Variants in SAMD12 observed in about 807,000 individuals in gnomAD.
SAMD12 encodes sterile alpha motif domain containing 12, also known as sterile alpha motif domain-containing protein 12.
A neutral mutation model predicts 15.0 loss-of-function variants in SAMD12; 9 were observed. That is an observed-to-expected ratio of 0.60 (90% CI 0.36 to 1.05). The LOEUF (loss-of-function observed/expected upper bound fraction) is 1.05, where lower values mean the gene tolerates loss of function less well. SAMD12 is among the 50% of genes least tolerant of loss of function. The pLI is 0.01. For missense variants in SAMD12, 230 were observed against 234.2 expected (o/e 0.98, Z 0.12); for synonymous variants, 86 against 90.1 (o/e 0.96, Z 0.25).
At chr8:118,364,537 T>G (rs1818667530) in intron 4 of SAMD12, among the ~76,000 whole-genome samples, 1 of 152,162 alleles carries the variant, frequency 6.6e-6, no homozygotes, top group Admixed American at 6.5e-5. Context: ...CTCTGAGTGC[T>G]GCGTGGAGTG....
rs575419476 is a variant in SAMD12, at chr8:118,546,942, C to T, written c.192+33773G>A. On this transcript the variant is annotated intron_variant, in intron 2 of 3. Coordinates refer to ENST00000314727, the MANE Select transcript of SAMD12 (RefSeq NM_207506.3). The stretch of plus-strand genomic sequence containing the variant: ...TAATTAAGGATACAAAGATTTCCCT[C>T]ATCCAAGATCACTGAAAACCATTTT... Among the ~76,000 whole-genome samples the T allele has an allele frequency of 3.9e-5, 6 of 152,278 alleles. No individual in the cohort carries two copies. The East Asian group carries it at 1.2e-3, about 29-fold the overall frequency.
At chr8:118,466,922 G>A (rs945145061) in intron 2 of SAMD12, among the ~76,000 whole-genome samples, 3 of 152,184 alleles carry the variant, frequency 2.0e-5, no homozygotes, top group African/African-American at 7.2e-5. Context: ...GCTGATCACA[G>A]AAAGCCTCTG....
At chr8:118,336,578 G>T (rs1430880319) in intron 4 of SAMD12, among the ~76,000 whole-genome samples, 2 of 151,802 alleles carry the variant, frequency 1.3e-5, no homozygotes, top group Admixed American at 1.3e-4. Context: ...TCTAGTTCTA[G>T]ATCCTTGAGG....
chr8:118,253,294 T>G (rs866128952), intron 4 of SAMD12, among the ~76,000 whole-genome samples: 2 of 152,178 alleles, frequency 1.3e-5, no homozygotes, highest in East Asian at 1.9e-4. Flanking sequence ...GAGTAAGTCA[T>G]GTTCCCAAGT....
At chr8:118,278,274 G>A (rs1289755104) in intron 4 of SAMD12, among the ~76,000 whole-genome samples, 1 of 152,192 alleles carries the variant, frequency 6.6e-6, no homozygotes, top group African/African-American at 2.4e-5. Context: ...TAGCCCTGCA[G>A]GCTGAGCCTA....
chr8:118,586,192 T>C (rs1827434712), intron 1 of SAMD12, among the ~76,000 whole-genome samples: 1 of 152,154 alleles, frequency 6.6e-6, no homozygotes, highest in Non-Finnish European at 1.5e-5. Context: ...AGAACTGACC[T>C]TTTACATCAT....
chr8:118,456,124 C>A (rs1325055228), intron 2 of SAMD12, among the ~76,000 whole-genome samples: 1 of 152,222 alleles, frequency 6.6e-6, no homozygotes, highest in Non-Finnish European at 1.5e-5. Flanking sequence ...CCTAATGCAT[C>A]TTCTACTCTT....
chr8:118,621,341 G>A lies in SAMD12; in HGVS notation c.13+463C>T, dbSNP rs141196539. 9.9e-3 allele frequency among the ~76,000 whole-genome samples: 1,512 copies of A among 152,262 alleles called. 30 individuals are homozygous for A. The highest frequency in any genetic ancestry group is 0.034 in the African/African-American group (1,418 of 41,568). On this transcript the variant is annotated intron_variant, in intron 1 of 3. Coordinates refer to ENST00000314727, the MANE Select transcript of SAMD12 (RefSeq NM_207506.3). ...CGCTGCTGGGTGCATAGGACGAAGG[G>A]CCCTCGACCCAATCCCAGTCCAAGC...
At chr8:118,144,523 T>G in the SAMD12 span, among the ~76,000 whole-genome samples, 6 of 152,142 alleles carry the variant, frequency 3.9e-5, no homozygotes, top group Admixed American at 6.5e-5. Context: ...TTTATTAATT[T>G]CTTATTACAT....
intron 1 of SAMD12, among the ~76,000 whole-genome samples, chr8:118,588,787 T>C (rs1827510820): frequency 1.3e-5 from 2 of 152,314 alleles, no homozygotes; most frequent in Admixed American, 6.5e-5. Context: ...TTATGGGTCT[T>C]TGCAGGACTA....
At chr8:118,325,106 T>G (rs1344209511) in intron 4 of SAMD12, among the ~76,000 whole-genome samples, 2 of 152,208 alleles carry the variant, frequency 1.3e-5, no homozygotes, top group Non-Finnish European at 2.9e-5. Context: ...TGGGTATGTA[T>G]GTGACTACTG....
intron 1 of SAMD12, among the ~76,000 whole-genome samples, chr8:118,608,353 T>G (rs1261455531): frequency 6.6e-6 from 1 of 151,854 alleles, no homozygotes; most frequent in Non-Finnish European, 1.5e-5. Context: ...TCTCTGCTTG[T>G]CTCCCTCAGT....
In SAMD12 at chr8:118,322,794, C is replaced by A. The variant is rs78363810; in HGVS notation, c.433+56766G>T. ...CTTCCAGTTCTTGTTTAACTGTTCA[C>A]GTTTAGCTGGGTGATTTTATGCAAG... On this transcript the variant is annotated intron_variant, in intron 4 of 4. Transcript: ENST00000409003. 1.4e-4 allele frequency among the ~76,000 whole-genome samples: 21 copies of A among 152,194 alleles called. 1 individual carries two copies. Among genetic ancestry groups the A allele is most frequent in the African/African-American group, 5.1e-4 (21 of 41,514 alleles).
chr8:118,616,138 G>T (rs957845034), intron 1 of SAMD12, among the ~76,000 whole-genome samples: 25 of 152,208 alleles, frequency 1.6e-4, no homozygotes, highest in African/African-American at 5.5e-4. Flanking sequence ...GAATCAGGGA[G>T]TAATTAGTTT....
intron 2 of SAMD12, among the ~76,000 whole-genome samples, chr8:118,488,908 T>C (rs953437620): frequency 2.0e-5 from 3 of 152,200 alleles, no homozygotes; most frequent in Admixed American, 2.0e-4. Flanking sequence ...AGTGTTTAAC[T>C]GTATAAAAAC....
intron 3 of SAMD12, among the ~76,000 whole-genome samples, chr8:118,429,615 C>T (rs1325154877): frequency 2.0e-5 from 3 of 151,782 alleles, no homozygotes; most frequent in East Asian, 1.9e-4. Context: ...GGTAAGTAGC[C>T]GGGTGTGGTG....
At chr8:118,298,500 G>A (rs1422634737) in intron 4 of SAMD12, among the ~76,000 whole-genome samples, 1 of 152,074 alleles carries the variant, frequency 6.6e-6, no homozygotes, top group Non-Finnish European at 1.5e-5. Flanking sequence ...GCCTATCCTA[G>A]TGAACTGCCA....
At chr8:118,243,272 A>C (rs1812613670) in intron 4 of SAMD12, among the ~76,000 whole-genome samples, 1 of 152,298 alleles carries the variant, frequency 6.6e-6, no homozygotes, top group African/African-American at 2.4e-5. Context: ...AAAATATATC[A>C]AATGTATTGG....
chr8:118,369,873 T>G (rs950430521), intron 4 of SAMD12, among the ~76,000 whole-genome samples: 4 of 152,306 alleles, frequency 2.6e-5, no homozygotes, highest in Admixed American at 6.5e-5. Flanking sequence ...AAAGATTTCA[T>G]GACAAAAATG....
Sources: allele counts gnomAD v4.1 joint callset (sites outside exome capture counted in the v4.1 genomes callset), GRCh38; gene constraint gnomAD v4.1.1; transcripts MANE v1.5; gene names NCBI Gene and HGNC (gene_info 2026-07-23, HGNC 2026-07-21).